The following INO80D variants were observed in gnomAD, a reference collection of about 807,000 sequenced individuals.
INO80D encodes the protein INO80 complex subunit D.
INO80D carries 21 observed loss-of-function variants against 87.6 expected under a neutral mutation model. The ratio of observed to expected loss-of-function variants is 0.24; its 90% CI spans 0.17 to 0.35. The LOEUF is 0.35. Ranked by LOEUF, INO80D falls within the 10% of genes least tolerant of loss-of-function variation. The probability of loss-of-function intolerance (pLI) is 1.00; values close to 1 mark genes in which losing one functional copy is unlikely to be tolerated. For missense variants in INO80D, 982 were observed against 1,280.7 expected, an observed-to-expected ratio of 0.77 and a Z score of 3.56; for synonymous variants, 440 against 491.0, an observed-to-expected ratio of 0.90 and a Z score of 1.37.
chr2:206,070,766 T>TA (rs1222626670), intron 1 of INO80D, among the ~76,000 whole-genome samples: 2 of 152,036 alleles, frequency 1.3e-5, no homozygotes, highest in African/African-American at 4.8e-5. Flanking sequence ...GTGTTATACT[T>TA]AAACAACAGC....
At chr2:206,058,302 C>A (rs1297071383) in intron 3 of INO80D, among the ~76,000 whole-genome samples, 8 of 151,730 alleles carry the variant, frequency 5.3e-5, no homozygotes, top group African/African-American at 1.9e-4. Context: ...GCCTGTAGTC[C>A]CAGCTACTCG....
chr2:206,056,313 G>A lies in INO80D; in HGVS notation c.849C>T (p.Ile283=), dbSNP rs1251300688. 6.2e-7 allele frequency: 1 copy of A among 1,614,002 alleles called. No individual in the cohort carries two copies. Among genetic ancestry groups the A allele is most frequent in the East Asian group, 2.2e-5 (1 of 44,890 alleles). ...PTVDPPRTDR[I]LMKATAFSPH... is the part of the protein sequence containing the mutation. ...GAGAGAAGGCTGTGGCTTTCATGAG[G>A]ATCCGGTCAGTCCTGGGTGGGTCCA... The change falls in exon 4 of 11, where the codon ATC becomes ATT. Residue 283 remains isoleucine (I), a synonymous_variant. Transcript: ENST00000403263.
rs1385070799 is a variant in INO80D at position 206,056,321 on chromosome 2, C to G, written c.841G>C (p.Asp281His). The G allele has an allele frequency of 1.2e-6, 2 of 1,613,828 alleles. No homozygotes were observed. ...RAPTVDPPRTDRILMKATAFS... is the reference protein window; with the variant it reads ...RAPTVDPPRTHRILMKATAFS... ...GCTGTGGCTTTCATGAGGATCCGGT[C>G]AGTCCTGGGTGGGTCCACAGTGGGA... is the stretch of plus-strand genomic sequence containing the variant. The change falls in exon 4 of 11, where the codon GAC (aspartate) becomes CAC (histidine). Residue 281 changes from aspartate to histidine, a missense_variant. By Grantham distance (81) the Asp-to-His change is moderately conservative (BLOSUM62 -1). Coordinates refer to ENST00000403263, the MANE Select transcript of INO80D (RefSeq NM_017759.5).
Position 206,002,753 on chromosome 2 carries a change from A to C in INO80D, c.*1615T>G, listed in dbSNP as rs1394699118. The C allele has an allele frequency of 6.6e-6, 1 of 152,230 alleles. No individual in the cohort carries two copies. The highest frequency in any genetic ancestry group is 1.5e-5 in the Non-Finnish European group (1 of 68,038). 9.4% of individuals were successfully genotyped at this position (152,230 alleles called of 1,614,324 possible). On this transcript the variant is annotated 3_prime_UTR_variant, in exon 11 of 11. Coordinates refer to ENST00000403263, the MANE Select transcript of INO80D (RefSeq NM_017759.5). ...TCCAATCACTACCTATTAGAAAGGA[A>C]TTAAGATCAAATATTCCCTGACAAA...
chr2:206,068,029 G>T (rs193170171), intron 1 of INO80D, among the ~76,000 whole-genome samples: 8 of 152,158 alleles, frequency 5.3e-5, no homozygotes, highest in Non-Finnish European at 8.8e-5. Context: ...TTTTTGGTTT[G>T]AATTTATCAA....
chr2:206,070,861 C>T (rs1161021857), intron 1 of INO80D, among the ~76,000 whole-genome samples: 2 of 150,656 alleles, frequency 1.3e-5, no homozygotes, highest in Non-Finnish European at 2.9e-5. Flanking sequence ...AAGCCTGAAG[C>T]CAGTCTCTTG....
chr2:206,062,657 C>T lies in INO80D; in HGVS notation c.218+142G>A, dbSNP rs1689716831. ...ATTCCATAGATTACTTAGATTACCC[C>T]CAGAATTCAACATTTATATAGGTGG... On this transcript the variant is annotated intron_variant, in intron 3 of 10. Transcript: ENST00000403263. The surrounding 1 kb of genome is among the most constrained non-coding windows in gnomAD (Gnocchi z 4.6). 1 of 689,684 alleles carries T rather than the reference C, an allele frequency of 1.4e-6. No individual in the cohort carries two copies. Among genetic ancestry groups the T allele is most frequent in the East Asian group, 2.9e-5 (1 of 35,056 alleles). 42.7% of individuals were successfully genotyped at this position (689,684 alleles called of 1,614,324 possible).
At chr2:206,020,089 G>GTT (rs34519729) in intron 6 of INO80D, among the ~76,000 whole-genome samples, 204 of 148,762 alleles carry the variant, frequency 1.4e-3, no homozygotes, top group Non-Finnish European at 2.0e-3. Flanking sequence ...AAGTATGTCT[G>GTT]TTTTTTTTTT....
chr2:206,071,060 C>A (rs778562507), intron 1 of INO80D, among the ~76,000 whole-genome samples: 1 of 151,698 alleles, frequency 6.6e-6, no homozygotes, highest in Non-Finnish European at 1.5e-5. Flanking sequence ...TGGGTTCAAG[C>A]GAATTCTCCT....
At chr2:206,039,038 G>C (rs909505880) in intron 5 of INO80D, among the ~76,000 whole-genome samples, 1 of 152,146 alleles carries the variant, frequency 6.6e-6, no homozygotes, top group African/African-American at 2.4e-5. Context: ...TTAAATGATA[G>C]ACTCATACTT....
chr2:206,084,274 C>CACACACACACACA, intron 1 of INO80D, among the ~76,000 whole-genome samples: 1 of 84,920 alleles, frequency 1.2e-5, no homozygotes, highest in Non-Finnish European at 2.4e-5. Context: ...CACACACACA[C>CACACACACACACA]CCCAAAACCA....
At chr2:206,019,895 C>G (rs995320424) in intron 6 of INO80D, 50 bp from the exon 7 acceptor site, 1 of 1,426,746 alleles carries the variant, frequency 7.0e-7, no homozygotes, top group South Asian at 1.2e-5. Flanking sequence ...CTTTAAGAAT[C>G]CAGGGTAATT....
intron 10 of INO80D, among the ~76,000 whole-genome samples, 170 bp downstream of exon 10, chr2:206,007,114 C>G (rs942019513): frequency 1.1e-4 from 16 of 152,190 alleles, no homozygotes; most frequent in African/African-American, 3.9e-4. Flanking sequence ...ACTGCACATT[C>G]CTTATCTTCT....
chr2:206,044,500 A>G (rs1025771453), intron 5 of INO80D, among the ~76,000 whole-genome samples: 4 of 149,464 alleles, frequency 2.7e-5, no homozygotes, highest in African/African-American at 7.4e-5. Context: ...AAAAAAAAAA[A>G]GGAGGAAAAC....
intron 8 of INO80D, among the ~76,000 whole-genome samples, chr2:206,010,083 A>ACACACACACACGCG (rs142314785): frequency 6.6e-6 from 1 of 151,162 alleles, no homozygotes; most frequent in Non-Finnish European, 1.5e-5. Context: ...ACACACACAC[A>ACACACACACACGCG]CACGCACACA....
chr2:206,074,389 G>A lies in INO80D; in HGVS notation c.-123-11145C>T, dbSNP rs13385910. Among the ~76,000 whole-genome samples the A allele has an allele frequency of 1.9e-3, 295 of 152,238 alleles. 3 individuals carry two copies. Among genetic ancestry groups the A allele is most frequent in the African/African-American group, 6.8e-3 (281 of 41,538 alleles). On this transcript the variant is annotated intron_variant, in intron 1 of 10. Coordinates refer to ENST00000403263, the MANE Select transcript of INO80D (RefSeq NM_017759.5). ...AGCACTTTGGGAGGCCAAGACAGGC[G>A]GATCACCTGAGGTCAGGAGTTCAAG...
At chr2:206,049,981 A>C (rs1037018360) in intron 4 of INO80D, among the ~76,000 whole-genome samples, 1 of 152,022 alleles carries the variant, frequency 6.6e-6, no homozygotes, top group African/African-American at 2.4e-5. Flanking sequence ...AAAATACAAA[A>C]AATGAGCCAG....
intron 6 of INO80D, chr2:206,025,542 A>AAAAAAT (rs71301548): frequency 2.7e-4 from 21 of 76,942 alleles, no homozygotes; most frequent in South Asian, 6.5e-4. Context: ...AAAAAAAAAA[A>AAAAAAT]ATATATATAT....
intron 1 of INO80D, among the ~76,000 whole-genome samples, chr2:206,077,066 G>A (rs1301408169): frequency 6.6e-6 from 1 of 152,160 alleles, no homozygotes; most frequent in Non-Finnish European, 1.5e-5. Flanking sequence ...GAGGTCAGGA[G>A]ATCGAGACCA....
Sources: gnomAD v4.1 joint callset for allele counts (sites outside exome capture counted in the v4.1 genomes callset) on GRCh38, gnomAD v4.1.1 for gene constraint, Gnocchi (gnomAD v3.1) non-coding constraint, MANE v1.5 for transcripts, NCBI Gene and HGNC (gene_info 2026-07-23, HGNC 2026-07-21) for gene names.